GATA4: variants seen among roughly 807,000 people sequenced by gnomAD.
GATA4 encodes transcription factor GATA-4.
In GATA4, 7 loss-of-function variants were observed where a neutral mutation model predicts 37.9. The ratio of observed to expected loss-of-function variants is 0.18; its 90% CI spans 0.11 to 0.35. The LOEUF is 0.35. Among genes scored for constraint, GATA4 ranks in the 10% least tolerant of loss-of-function variants. The probability of loss-of-function intolerance (pLI) is 1.00; values close to 1 mark genes in which losing one functional copy is unlikely to be tolerated. For missense variants in GATA4, 647 were observed against 653.0 expected, an observed-to-expected ratio of 0.99 and a Z score of 0.10; for synonymous variants, 372 against 292.6, an observed-to-expected ratio of 1.27 and a Z score of -2.77.
intron 2 of GATA4, among the ~76,000 whole-genome samples, chr8:11,728,078 C>T (rs1459292768): frequency 1.3e-5 from 2 of 151,652 alleles, no homozygotes; most frequent in African/African-American, 4.9e-5. Flanking sequence ...GCAACCTCTA[C>T]CTCCCAGGTT....
chr8:11,741,428 A>G (rs1012315789), intron 2 of GATA4, among the ~76,000 whole-genome samples: 2 of 152,028 alleles, frequency 1.3e-5, no homozygotes, highest in East Asian at 1.9e-4. Context: ...GCAATTAGCT[A>G]TGACTGAGCT....
intron 1 of GATA4, among the ~76,000 whole-genome samples, chr8:11,686,674 C>G (rs1799144634): frequency 6.6e-6 from 1 of 152,136 alleles, no homozygotes; most frequent in African/African-American, 2.4e-5. Context: ...GGGGTGAGTT[C>G]CAGACACCCT....
chr8:11,724,881 T>C (rs924950949), intron 2 of GATA4, among the ~76,000 whole-genome samples: 2 of 152,114 alleles, frequency 1.3e-5, no homozygotes, highest in African/African-American at 2.4e-5. Flanking sequence ...AGGAAGGCCA[T>C]GGGGGAGCCA....
chr8:11,698,303 A>G (rs1302730897), intron 1 of GATA4, among the ~76,000 whole-genome samples: 2 of 152,220 alleles, frequency 1.3e-5, no homozygotes, highest in East Asian at 1.9e-4. Flanking sequence ...TACAGCATGT[A>G]AGCTGCTTAG....
chr8:11,708,725 C>T lies in GATA4; in HGVS notation c.413C>T (p.Ala138Val). 1.6e-6 allele frequency: 2 copies of T among 1,268,138 alleles called. No individual in the cohort carries two copies. Among genetic ancestry groups the T allele is most frequent in the Non-Finnish European group, 2.0e-6 (2 of 1,013,616 alleles). 78.6% of individuals were successfully genotyped at this position (1,268,138 alleles called of 1,614,324 possible). ...GCGGCCTACAGCAGTGGCGGCGGAG[C>T]GGCGGGTGCGGGCCTGGCGGGCCGC... Reference protein sequence around the residue: ...EAAAYSSGGGAAGAGLAGREQ... With the variant: ...EAAAYSSGGGVAGAGLAGREQ... Residue 138 changes from alanine to valine, a missense_variant, in exon 2 of 7, where the codon GCG becomes GTG. Physicochemically the swap from Ala to Val is moderately conservative, Grantham distance 64 (BLOSUM62 0). Around this residue, in one of 5 missense-constraint regions of GATA4, gnomAD observed 379 missense variants for 334.5 expected, o/e 1.13. Transcript: ENST00000532059. This position sits in a 1 kb window ranked among gnomAD's most constrained non-coding sequence, Gnocchi z 6.7.
intron 1 of GATA4, chr8:11,681,321 C>G (rs1798963456): frequency 7.1e-6 from 7 of 985,422 alleles, no homozygotes; most frequent in Non-Finnish European, 7.2e-6. Context: ...CACCACTTCT[C>G]GACCTGCGCC....
chr8:11,732,439 T>C (rs778110372), intron 2 of GATA4, among the ~76,000 whole-genome samples: 3 of 152,216 alleles, frequency 2.0e-5, no homozygotes, highest in Non-Finnish European at 4.4e-5. Context: ...ATTTGATTTG[T>C]AAATGTTTGA....
chr8:11,684,612 G>A (rs146067244), intron 1 of GATA4, among the ~76,000 whole-genome samples: 234 of 152,294 alleles, frequency 1.5e-3, no homozygotes, highest in African/African-American at 5.4e-3. Context: ...CTCACTGGCT[G>A]TGTTTTCTTG....
chr8:11,709,465 C>A lies in GATA4; in HGVS notation c.616+537C>A, dbSNP rs913763056. Among the ~76,000 whole-genome samples the A allele has an allele frequency of 5.9e-5, 9 of 151,682 alleles. No individual in the cohort carries two copies. Among genetic ancestry groups the A allele is most frequent in the Non-Finnish European group, 1.2e-4 (8 of 67,966 alleles). ...GATTTTCCCGTCGGGGGTCTCACAC[C>A]GAGAACAAAGGAGGGATGGACAAAG... is the stretch of plus-strand genomic sequence containing the variant. On this transcript the variant is annotated intron_variant, in intron 2 of 6. Coordinates refer to ENST00000532059, the MANE Select transcript of GATA4 (RefSeq NM_001308093.3). This position sits in a 1 kb window ranked among gnomAD's most constrained non-coding sequence, Gnocchi z 4.3.
At position 11,697,995 on chromosome 8, in the gene GATA4, C is replaced by T. The variant is rs915839623; in HGVS notation, c.-728-2513C>T. 6.1e-6 allele frequency: 6 copies of T among 985,354 alleles called. No homozygotes were observed. In the African/African-American group the frequency reaches 8.7e-5, roughly 14 times the overall value. The allele number at this position is 985,354 out of a possible 1,614,324, so 61.0% of individuals were successfully genotyped here. A position where few individuals can be genotyped will look rare whatever the true frequency, so the allele number is the denominator to read the frequency against. ...GTGTCCCTACCATAACCACTGTCCT[C>T]CCCGGGAGCTGGGCAAGAGGAGCCC... On this transcript the variant is annotated intron_variant, in intron 1 of 2. Transcript: ENST00000526974.
rs1021687498 is a variant in GATA4, at chr8:11,749,284, C to T, written c.786+199C>T. ...TCCAGGCTGTCTAGTTCAACCTCTT[C>T]GGCACACAGAAACTGAAAGTGAGGC... On this transcript the variant is annotated intron_variant, in intron 3 of 6. Coordinates refer to ENST00000532059, the MANE Select transcript of GATA4 (RefSeq NM_001308093.3). The surrounding 1 kb of genome is among the most constrained non-coding windows in gnomAD (Gnocchi z 4.6). 3.9e-5 allele frequency among the ~76,000 whole-genome samples: 6 copies of T among 152,204 alleles called. No homozygotes were observed. The highest frequency in any genetic ancestry group is 5.9e-5 in the Non-Finnish European group (4 of 68,040).
intron 1 of GATA4, among the ~76,000 whole-genome samples, chr8:11,685,900 G>T (rs552295600): frequency 1.4e-4 from 22 of 152,276 alleles, no homozygotes; most frequent in African/African-American, 5.3e-4. Flanking sequence ...GAGACTTGGT[G>T]GGGAGGAAAG....
upstream of GATA4, among the ~76,000 whole-genome samples, chr8:11,689,629 G>T (rs1799248542): frequency 6.6e-6 from 1 of 152,180 alleles, no homozygotes; most frequent in East Asian, 1.9e-4. Flanking sequence ...GTAGTGCATG[G>T]AATGACTGCG....
chr8:11,706,322 G>C (rs999953892), intron 1 of GATA4, among the ~76,000 whole-genome samples: 2 of 152,166 alleles, frequency 1.3e-5, no homozygotes, highest in Non-Finnish European at 2.9e-5. Flanking sequence ...CAGTAATAAA[G>C]ATGATCATTT....
chr8:11,716,920 C>G (rs1800457587), intron 2 of GATA4, among the ~76,000 whole-genome samples: 1 of 152,220 alleles, frequency 6.6e-6, no homozygotes, highest in African/African-American at 2.4e-5. Flanking sequence ...GTTTTCCTTT[C>G]CTTGTTCCAG....
In GATA4 at chr8:11,707,922, C is replaced by A. The variant is rs1022966030; in HGVS notation, c.-391C>A. 1 of 323,114 alleles carries A rather than the reference C, an allele frequency of 3.1e-6. No homozygotes were observed. The highest frequency in any genetic ancestry group is 5.9e-6 in the Non-Finnish European group (1 of 168,108). The allele number at this position is 323,114 out of a possible 1,614,324, so 20.0% of individuals were successfully genotyped here. A position where few individuals can be genotyped will look rare whatever the true frequency, so the allele number is the denominator to read the frequency against. ...TTCTGCGCCTGTGGCCGCGGGTGTC[C>A]TGGAGGCCTCTCGGTGTGACGAGTG... On this transcript the variant is annotated 5_prime_UTR_variant, in exon 2 of 7. It adds an upstream start codon to the 5' untranslated region. Transcript: ENST00000532059. This position sits in a 1 kb window ranked among gnomAD's most constrained non-coding sequence, Gnocchi z 4.7.
upstream of GATA4, among the ~76,000 whole-genome samples, chr8:11,701,849 G>T (rs1433553848): frequency 6.6e-6 from 1 of 151,978 alleles, no homozygotes; most frequent in South Asian, 2.1e-4. Flanking sequence ...AAAGGACCGG[G>T]GTGGTGGGGG....
chr8:11,678,059 A>G (rs981575547), intron 1 of GATA4, among the ~76,000 whole-genome samples: 1 of 149,604 alleles, frequency 6.7e-6, no homozygotes, highest in African/African-American at 2.5e-5. Flanking sequence ...AATAATAATA[A>G]ATAGGAGTGA....
intron 2 of GATA4, among the ~76,000 whole-genome samples, chr8:11,725,393 C>T (rs747263913): frequency 6.6e-6 from 1 of 152,248 alleles, no homozygotes; most frequent in Non-Finnish European, 1.5e-5. Flanking sequence ...GTGCATCACG[C>T]AAGGGCTGGG....
Sources: allele counts gnomAD v4.1 joint callset (sites outside exome capture counted in the v4.1 genomes callset), GRCh38; gene constraint gnomAD v4.1.1; regional missense constraint gnomAD v4.1.1; non-coding constraint Gnocchi (gnomAD v3.1); transcripts MANE v1.5; gene names NCBI Gene and HGNC (gene_info 2026-07-23, HGNC 2026-07-21).